Variants in NIPAL3 observed in about 807,000 individuals in gnomAD.
NIPAL3 encodes the protein NIPA-like protein 3.
A neutral mutation model predicts 47.2 loss-of-function variants in NIPAL3; 41 were observed. The ratio of observed to expected loss-of-function variants is 0.87; its 90% CI spans 0.68 to 1.13. The LOEUF is 1.13. Ranked by LOEUF, NIPAL3 falls within the 50% of genes most tolerant of loss-of-function variation. The probability of loss-of-function intolerance (pLI) is 0.00; values close to 1 mark genes in which losing one functional copy is unlikely to be tolerated. For synonymous variants in NIPAL3, 194 were observed against 209.6 expected (o/e 0.93, Z 0.64); for missense variants, 449 against 530.1 (o/e 0.85, Z 1.50).
chr1:24,422,300 TGA>T (rs1488319366), intron 2 of NIPAL3, among the ~76,000 whole-genome samples: 5 of 152,194 alleles, frequency 3.3e-5, no homozygotes, highest in Admixed American at 6.5e-5. Flanking sequence ...GGTATCAGAC[TGA>T]GAACTGGGAG....
chr1:24,436,866 C>CCGAG (rs1645138064), intron 2 of NIPAL3, among the ~76,000 whole-genome samples: 4 of 152,086 alleles, frequency 2.6e-5, no homozygotes. Flanking sequence ...GGGAAAAGTA[C>CCGAG]ATCTACTCCA....
In NIPAL3 at chr1:24,449,577, G is replaced by A. The variant is rs1645835960; in HGVS notation, c.491G>A (p.Gly164Asp). The A allele has an allele frequency of 1.2e-6, 2 of 1,613,936 alleles. No homozygotes were observed. The highest frequency in any genetic ancestry group is 1.7e-6 in the Non-Finnish European group (2 of 1,180,026). Residue 164 changes from glycine to aspartate, a missense_variant, in exon 6 of 12, where the codon GGC becomes GAC. Transcript: ENST00000374399. This position sits in a 1 kb window ranked among gnomAD's most constrained non-coding sequence, Gnocchi z 4.5. ...CCCAACAGTCACGAGAAGATGACAG[G>A]CGAGAATGTCACCAGGCACCTCGTG... is the stretch of plus-strand genomic sequence containing the variant. ...FAPNSHEKMT[G>D]ENVTRHLVSW... is the part of the protein sequence containing the mutation.
In NIPAL3 at chr1:24,445,239, T is replaced by C; in HGVS notation, c.389T>C (p.Phe130Ser). ...FIKEKWKPKD[F>S]LRRYVLSFVG... Reference sequence around the variant, plus strand: ...AAGGAAAAGTGGAAACCGAAAGACTTTCTGAGTAAGTTCAGTGATTTGAGC... The same window carrying C: ...AAGGAAAAGTGGAAACCGAAAGACTCTCTGAGTAAGTTCAGTGATTTGAGC... Residue 130 changes from phenylalanine (F) to serine (S), a missense_variant, in exon 5 of 12, where the codon TTT (phenylalanine) becomes TCT (serine). Coordinates refer to ENST00000374399, the MANE Select transcript of NIPAL3 (RefSeq NM_020448.5). The C allele has an allele frequency of 6.2e-7, 1 of 1,605,150 alleles. No individual in the cohort carries two copies.
intron 8 of NIPAL3, among the ~76,000 whole-genome samples, chr1:24,456,603 AT>A (rs1452505560): frequency 3.9e-5 from 6 of 152,176 alleles, no homozygotes; most frequent in Admixed American, 6.5e-5. Context: ...ATACAAAAAA[AT>A]AAAATAAAAT....
At chr1:24,452,843 C>G (rs182179254) in intron 6 of NIPAL3, among the ~76,000 whole-genome samples, 1 of 149,714 alleles carries the variant, frequency 6.7e-6, no homozygotes, top group East Asian at 2.0e-4. Context: ...GATGCCACCA[C>G]GCCCAGCTAA....
At chr1:24,453,133 A>G (rs548443189) in intron 6 of NIPAL3, among the ~76,000 whole-genome samples, 31 of 152,264 alleles carry the variant, frequency 2.0e-4, no homozygotes, top group Admixed American at 1.4e-3. Flanking sequence ...TGGCCCTCCA[A>G]GAAAGAGTGG....
chr1:24,468,919 G>C, intron 11 of NIPAL3, 67 bp from the exon 12 acceptor site: 1 of 1,420,826 alleles, frequency 7.0e-7, no homozygotes, highest in Non-Finnish European at 9.9e-7. Context: ...TGGCGGGATA[G>C]AGGGAGATGC....
At position 24,449,531 on chromosome 1, in the gene NIPAL3, T is replaced by C; in HGVS notation, c.445T>C (p.Tyr149His). 1.2e-6 allele frequency: 2 copies of C among 1,614,098 alleles called. No homozygotes were observed. Among genetic ancestry groups the C allele is most frequent in the Non-Finnish European group, 1.7e-6 (2 of 1,180,026 alleles). Residue 149 changes from tyrosine (Y) to histidine (H), a missense_variant, in exon 6 of 12, where the codon TAC (tyrosine) becomes CAC (histidine). Transcript: ENST00000374399. The surrounding 1 kb of genome is among the most constrained non-coding windows in gnomAD (Gnocchi z 4.5). ...VGCGLAVVGT[Y>H]LLVTFAPNSH... is the part of the protein sequence containing the mutation. ...CTGCGGTTTGGCTGTCGTGGGTACC[T>C]ACCTGCTGGTGACATTCGCACCCAA...
intron 5 of NIPAL3, among the ~76,000 whole-genome samples, chr1:24,448,890 G>T (rs1024752961): frequency 5.3e-5 from 8 of 152,106 alleles, no homozygotes; most frequent in Non-Finnish European, 1.2e-4. Context: ...ATAACTCCAG[G>T]CTGGAGACTC....
chr1:24,445,231 G>T lies in NIPAL3; in HGVS notation c.381G>T (p.Pro127=). Residue 127 remains proline, a synonymous_variant, in exon 5 of 12, where the codon CCG becomes CCT. Coordinates refer to ENST00000374399, the MANE Select transcript of NIPAL3 (RefSeq NM_020448.5). ...GIIFIKEKWK[P]KDFLRRYVLS... ...TATTCATCAAGGAAAAGTGGAAACC[G>T]AAAGACTTTCTGAGTAAGTTCAGTG... 2 of 1,608,928 alleles carry T rather than the reference G, an allele frequency of 1.2e-6. No individual in the cohort carries two copies. Among genetic ancestry groups the T allele is most frequent in the Non-Finnish European group, 8.5e-7 (1 of 1,175,320 alleles).
chr1:24,419,007 G>A (rs1307801852), intron 1 of NIPAL3, among the ~76,000 whole-genome samples: 2 of 151,788 alleles, frequency 1.3e-5, no homozygotes, highest in African/African-American at 2.4e-5. Flanking sequence ...TTTAAGTTAG[G>A]GTGCGATGGG....
At chr1:24,421,531 T>A (rs1305215422) in intron 2 of NIPAL3, among the ~76,000 whole-genome samples, 1 of 152,172 alleles carries the variant, frequency 6.6e-6, no homozygotes, top group Non-Finnish European at 1.5e-5. Context: ...CTATTGTTAA[T>A]TTTAGATAAT....
intron 10 of NIPAL3, 148 bp downstream of exon 10, chr1:24,460,692 C>A (rs565144227): frequency 7.0e-6 from 4 of 574,678 alleles, no homozygotes; most frequent in Non-Finnish European, 1.2e-5. Context: ...CAGAGGTGAG[C>A]GTTTTATTCC....
At chr1:24,464,871 A>T (rs1021722730) in intron 11 of NIPAL3, 1 of 151,952 alleles carries the variant, frequency 6.6e-6, no homozygotes, top group African/African-American at 2.4e-5. Flanking sequence ...ACACAATCTC[A>T]TGAACAAAAT....
At chr1:24,459,105 G>A (rs1209927694) in intron 9 of NIPAL3, 129 bp downstream of exon 9, 6 of 788,808 alleles carry the variant, frequency 7.6e-6, no homozygotes, top group Non-Finnish European at 1.3e-5. Flanking sequence ...TGGAGAATGT[G>A]CAGGATTTCC....
chr1:24,416,162 T>A lies in NIPAL3; in HGVS notation c.-258+258T>A. The A allele has an allele frequency of 1.0e-6, 1 of 985,502 alleles. No homozygotes were observed. Among genetic ancestry groups the A allele is most frequent in the Non-Finnish European group, 1.2e-6 (1 of 830,004 alleles). 61.0% of individuals were successfully genotyped at this position (985,502 alleles called of 1,614,324 possible). On this transcript the variant is annotated intron_variant, in intron 1 of 11. Transcript: ENST00000374399. The surrounding 1 kb of genome is among the most constrained non-coding windows in gnomAD (Gnocchi z 4.8). ...ACCAGGAAGTGACATGGAGTTAACT[T>A]TGCCAGAATTTCTCCTCTTCGTGCC...
At chr1:24,431,448 C>G (rs1050709703) in intron 2 of NIPAL3, among the ~76,000 whole-genome samples, 2 of 152,192 alleles carry the variant, frequency 1.3e-5, no homozygotes, top group African/African-American at 4.8e-5. Context: ...TCAGTATCAC[C>G]TTGTGGAAGA....
At chr1:24,425,501 A>G (rs1644539038) in intron 2 of NIPAL3, among the ~76,000 whole-genome samples, 1 of 152,160 alleles carries the variant, frequency 6.6e-6, no homozygotes, top group Non-Finnish European at 1.5e-5. Flanking sequence ...CATTTTCACA[A>G]GTGTTTACCC....
intron 2 of NIPAL3, among the ~76,000 whole-genome samples, chr1:24,439,326 G>A (rs1645270599): frequency 6.6e-6 from 1 of 152,188 alleles, no homozygotes; most frequent in South Asian, 2.1e-4. Flanking sequence ...AGGTATGCCT[G>A]ACAGGGAAAT....
Sources: gnomAD v4.1 joint callset for allele counts (sites outside exome capture counted in the v4.1 genomes callset) on GRCh38, gnomAD v4.1.1 for gene constraint, Gnocchi (gnomAD v3.1) non-coding constraint, MANE v1.5 for transcripts, NCBI Gene and HGNC (gene_info 2026-07-23, HGNC 2026-07-21) for gene names.